CLK3: variants seen among roughly 807,000 people sequenced by gnomAD.
The protein encoded by CLK3 is dual specificity protein kinase CLK3.
In CLK3, 24 loss-of-function variants were observed where a neutral mutation model predicts 65.2. That is an observed-to-expected ratio of 0.37 (90% CI 0.27 to 0.52). CLK3 has a LOEUF of 0.52. Among genes scored for constraint, CLK3 ranks in the 20% least tolerant of loss-of-function variants. CLK3 has a pLI of 0.92. For synonymous variants in CLK3, 252 were observed against 240.8 expected, an observed-to-expected ratio of 1.05 and a Z score of -0.43; for missense variants, 506 against 660.0, an observed-to-expected ratio of 0.77 and a Z score of 2.56.
Position 74,621,215 on chromosome 15 carries a change from C to G in CLK3, c.370-905C>G, listed in dbSNP as rs550269730. On this transcript the variant is annotated intron_variant, in intron 3 of 12. Coordinates refer to ENST00000395066, the MANE Select transcript of CLK3 (RefSeq NM_001130028.2). The surrounding 1 kb of genome is among the most constrained non-coding windows in gnomAD (Gnocchi z 4.8). ...AGCGTGGCCCTTTCACCTCTTTGCA[C>G]ACTGCCACATGCTGCCACAGGATGG... 2 of 152,674 alleles carry G rather than the reference C, an allele frequency of 1.3e-5. No homozygotes were observed. The highest frequency in any genetic ancestry group is 4.8e-5 in the African/African-American group (2 of 41,454). 9.5% of individuals were successfully genotyped at this position (152,674 alleles called of 1,614,324 possible).
intron 1 of CLK3, among the ~76,000 whole-genome samples, chr15:74,616,520 C>G (rs1596285552): frequency 6.6e-6 from 1 of 152,384 alleles, no homozygotes; most frequent in African/African-American, 2.4e-5. Context: ...GCTCCTCCGT[C>G]CCGCCCGGGA....
chr15:74,615,138 T>G, upstream of CLK3: 4 of 309,474 alleles, frequency 1.3e-5, no homozygotes, highest in Non-Finnish European at 1.2e-5. Context: ...CGGCGGGGCT[T>G]TTGTCTAGCG....
chr15:74,630,118 A>G lies in CLK3; in HGVS notation c.*235A>G. On this transcript the variant is annotated 3_prime_UTR_variant, in exon 13 of 13. Transcript: ENST00000395066. ...AATAAAGTGTTTCTTACTGTTTGTA[A>G]CCCCTGGTACCAGTGTGTCCATCTC... The G allele has an allele frequency of 2.2e-6, 1 of 464,136 alleles. No homozygotes were observed. Among genetic ancestry groups the G allele is most frequent in the South Asian group, 4.1e-5 (1 of 24,670 alleles). The allele number at this position is 464,136 out of a possible 1,614,324, so 28.8% of individuals were successfully genotyped here. A position where few individuals can be genotyped will look rare whatever the true frequency, so the allele number is the denominator to read the frequency against.
Position 74,627,929 on chromosome 15 carries a change from T to C in CLK3, c.1043-41T>C. ...CCTTGTGACTTCCAGGCTGGAAGCA[T>C]AAGGCCGGATCTCACAGCCTCTCCC... On this transcript the variant is annotated intron_variant, in intron 9 of 12. Transcript: ENST00000395066. The surrounding 1 kb of genome is among the most constrained non-coding windows in gnomAD (Gnocchi z 4.3). The C allele has an allele frequency of 2.7e-6, 4 of 1,494,498 alleles. No individual in the cohort carries two copies. Among genetic ancestry groups the C allele is most frequent in the Non-Finnish European group, 3.7e-6 (4 of 1,071,126 alleles). The allele number at this position is 1,494,498 out of a possible 1,614,324, so 92.6% of individuals were successfully genotyped here.
Position 74,624,293 on chromosome 15 carries a change from C to T in CLK3, c.534-609C>T, listed in dbSNP as rs1225831104. On this transcript the variant is annotated intron_variant, in intron 5 of 12. Transcript: ENST00000395066. The surrounding 1 kb of genome is among the most constrained non-coding windows in gnomAD (Gnocchi z 4.2). ...GGACTGTTAAAACCTTCTTTGGACACTTAAGAAGGGTTCCTGGCATTTTGT... is the reference window on the plus strand; with the variant it reads ...GGACTGTTAAAACCTTCTTTGGACATTTAAGAAGGGTTCCTGGCATTTTGT... 1 of 152,964 alleles carries T rather than the reference C, an allele frequency of 6.5e-6. No individual in the cohort carries two copies. The highest frequency in any genetic ancestry group is 1.5e-5 in the Non-Finnish European group (1 of 68,590). The allele number at this position is 152,964 out of a possible 1,614,324, so 9.5% of individuals were successfully genotyped here.
upstream of CLK3, among the ~76,000 whole-genome samples, chr15:74,614,389 C>G (rs889616247): frequency 5.3e-5 from 8 of 152,218 alleles, no homozygotes; most frequent in Non-Finnish European, 1.2e-4. Flanking sequence ...TCATAGCTCA[C>G]TGCAATCTCA....
Position 74,622,318 on chromosome 15 carries a change from A to C in CLK3, c.466+102A>C. 2 of 1,170,038 alleles carry C rather than the reference A, an allele frequency of 1.7e-6. No individual in the cohort carries two copies. Among genetic ancestry groups the C allele is most frequent in the Non-Finnish European group, 2.5e-6 (2 of 805,260 alleles). 72.5% of individuals were successfully genotyped at this position (1,170,038 alleles called of 1,614,324 possible). ...GGGCCTCTAGTGCGCGTGGTGCCTTAGCGGGGCCACCAGTAATTGCCTGAA... is the reference window on the plus strand; with the variant it reads ...GGGCCTCTAGTGCGCGTGGTGCCTTCGCGGGGCCACCAGTAATTGCCTGAA... On this transcript the variant is annotated intron_variant, in intron 4 of 12. Transcript: ENST00000395066. This position sits in a 1 kb window ranked among gnomAD's most constrained non-coding sequence, Gnocchi z 4.6.
chr15:74,614,250 G>C (rs2062027051), upstream of CLK3, among the ~76,000 whole-genome samples: 1 of 152,120 alleles, frequency 6.6e-6, no homozygotes, highest in Non-Finnish European at 1.5e-5. Context: ...CTGACCTCAG[G>C]TGATCATCCA....
At position 74,621,676 on chromosome 15, in the gene CLK3, C is replaced by T. The variant is rs1233630595; in HGVS notation, c.370-444C>T. The T allele has an allele frequency of 3.9e-5, 12 of 309,022 alleles. No individual in the cohort carries two copies. Among genetic ancestry groups the T allele is most frequent in the Admixed American group, 1.7e-4 (4 of 23,738 alleles). The allele number at this position is 309,022 out of a possible 1,614,324, so 19.1% of individuals were successfully genotyped here. On this transcript the variant is annotated intron_variant, in intron 3 of 12. Coordinates refer to ENST00000395066, the MANE Select transcript of CLK3 (RefSeq NM_001130028.2). This position sits in a 1 kb window ranked among gnomAD's most constrained non-coding sequence, Gnocchi z 4.8. ...CCAGGCGGGGCCAGCTGCCTTCTTGCGCCGCCGTTCTCACTGCATCTTCCG... is the reference window on the plus strand; with the variant it reads ...CCAGGCGGGGCCAGCTGCCTTCTTGTGCCGCCGTTCTCACTGCATCTTCCG...
upstream of CLK3, among the ~76,000 whole-genome samples, chr15:74,610,891 C>T (rs77269834): frequency 2.0e-5 from 3 of 152,360 alleles, no homozygotes; most frequent in East Asian, 1.9e-4. Flanking sequence ...GGCCATCACA[C>T]GGTGTCCCTT....
chr15:74,615,699 G>A, upstream of CLK3: 7 of 1,238,620 alleles, frequency 5.7e-6, no homozygotes, highest in Non-Finnish European at 7.1e-6. Flanking sequence ...GGCGCCCGCC[G>A]GAGCGGAGAG....
At chr15:74,628,400 T>TA (rs769530026) in intron 10 of CLK3, among the ~76,000 whole-genome samples, 1 of 152,014 alleles carries the variant, frequency 6.6e-6, no homozygotes, top group Non-Finnish European at 1.5e-5. Flanking sequence ...GAGAGAAATG[T>TA]AGTCACAGCC....
Position 74,620,037 on chromosome 15 carries a change from T to C in CLK3, c.181T>C (p.Tyr61His), listed in dbSNP as rs1191222102. Reference protein sequence around the residue: ...SHDRLPYQRRYRERRDSDTYR... With the variant: ...SHDRLPYQRRHRERRDSDTYR... Reference sequence around the variant, plus strand: ...TGACCGCCTGCCCTACCAGAGGAGGTACCGGGAGCGCCGTGACAGCGATAC... The same window carrying C: ...TGACCGCCTGCCCTACCAGAGGAGGCACCGGGAGCGCCGTGACAGCGATAC... The change falls in exon 3 of 13, where the codon TAC becomes CAC. Residue 61 changes from tyrosine to histidine, a missense_variant. Around this residue, in one of 2 missense-constraint regions of CLK3, gnomAD observed 181 missense variants for 159.4 expected, o/e 1.14. Coordinates refer to ENST00000395066, the MANE Select transcript of CLK3 (RefSeq NM_001130028.2). The C allele has an allele frequency of 5.0e-6, 8 of 1,613,948 alleles. No individual in the cohort carries two copies.
At chr15:74,612,365 C>G (rs982661046), upstream of CLK3, among the ~76,000 whole-genome samples, 1 of 152,190 alleles carries the variant, frequency 6.6e-6, no homozygotes, top group Non-Finnish European at 1.5e-5. Context: ...CTCTCACCCA[C>G]CAGCTTGGTG....
At chr15:74,616,000 C>CT in intron 1 of CLK3, 102 bp downstream of exon 1, 2 of 900,666 alleles carry the variant, frequency 2.2e-6, no homozygotes, top group Non-Finnish European at 2.9e-6. Flanking sequence ...GGCCTACTCC[C>CT]TTTCTTTCTC....
chr15:74,615,193 T>A (rs748267334), upstream of CLK3: 17 of 387,476 alleles, frequency 4.4e-5, no homozygotes, highest in Non-Finnish European at 6.8e-5. Context: ...AGGAAGCCGC[T>A]CCACAGGAGG....
chr15:74,617,398 G>A (rs367849373), intron 1 of CLK3, among the ~76,000 whole-genome samples: 14 of 152,166 alleles, frequency 9.2e-5, no homozygotes, highest in African/African-American at 3.4e-4. Flanking sequence ...TACCTCTGTG[G>A]GCACAAAGCT....
intron 7 of CLK3, chr15:74,626,845 C>T (rs575942971): frequency 2.1e-5 from 8 of 388,792 alleles, no homozygotes; most frequent in Non-Finnish European, 4.1e-5. Flanking sequence ...TTATGACTAG[C>T]AATGAGAGGC....
chr15:74,624,541 AG>A lies in CLK3; in HGVS notation c.534-358del. 5.2e-6 allele frequency: 1 copy of A among 190,818 alleles called. No homozygotes were observed. Among genetic ancestry groups the A allele is most frequent in the Non-Finnish European group, 1.0e-5 (1 of 95,802 alleles). The allele number at this position is 190,818 out of a possible 1,614,324, so 11.8% of individuals were successfully genotyped here. ...GGGTTCTCGGTGGGACAGCCTGGCC[AG>A]GGTTGGGGCTGCCTGGCCTATAGGT... On this transcript the variant is annotated intron_variant, in intron 5 of 12. Transcript: ENST00000395066. This position sits in a 1 kb window ranked among gnomAD's most constrained non-coding sequence, Gnocchi z 4.2.
Sources: allele counts gnomAD v4.1 joint callset (sites outside exome capture counted in the v4.1 genomes callset), GRCh38; gene constraint gnomAD v4.1.1; regional missense constraint gnomAD v4.1.1; non-coding constraint Gnocchi (gnomAD v3.1); transcripts MANE v1.5; gene names NCBI Gene and HGNC (gene_info 2026-07-23, HGNC 2026-07-21).